Variants in ASCC3 observed in about 807,000 individuals in gnomAD.
The protein encoded by ASCC3 is activating signal cointegrator 1 complex subunit 3, also known as ASC-1 complex subunit P200.
ASCC3 carries 158 observed loss-of-function variants against 256.3 expected under a neutral mutation model. The ratio of observed to expected loss-of-function variants is 0.62; its 90% CI spans 0.54 to 0.70. The LOEUF is 0.70. Ranked by LOEUF, ASCC3 falls within the 30% of genes least tolerant of loss-of-function variation. The probability of loss-of-function intolerance (pLI) is 0.00; values close to 1 mark genes in which losing one functional copy is unlikely to be tolerated. For missense variants in ASCC3, 2,259 were observed against 2,626.0 expected (o/e 0.86, Z 3.05); for synonymous variants, 948 against 883.4 (o/e 1.07, Z -1.30).
chr6:100,798,992 A>G (rs1223399921), intron 7 of ASCC3, among the ~76,000 whole-genome samples, 154 bp from the exon 8 acceptor site: 2 of 103,600 alleles, frequency 1.9e-5, no homozygotes, highest in Non-Finnish European at 3.9e-5. Context: ...AAACTTAAAT[A>G]AAACAAAAAC....
intron 37 of ASCC3, among the ~76,000 whole-genome samples, chr6:100,520,213 T>C (rs1774233253): frequency 6.6e-6 from 1 of 152,166 alleles, no homozygotes; most frequent in African/African-American, 2.4e-5. Flanking sequence ...AAAGTGATCA[T>C]ATCATTCCTC....
chr6:100,516,125 T>C (rs1774013545), intron 39 of ASCC3, 55 bp downstream of exon 39: 1 of 1,610,704 alleles, frequency 6.2e-7, no homozygotes, highest in Non-Finnish European at 8.5e-7. Context: ...AGAAAACTCT[T>C]GGTACACCTT....
chr6:100,515,910 T>C (rs1456750687), intron 39 of ASCC3, among the ~76,000 whole-genome samples: 2 of 152,188 alleles, frequency 1.3e-5, no homozygotes, highest in Non-Finnish European at 2.9e-5. Flanking sequence ...TTAATTACTA[T>C]TACTGTCATT....
intron 2 of ASCC3, 82 bp downstream of exon 2, chr6:100,867,826 A>T: frequency 8.3e-7 from 1 of 1,210,984 alleles, no homozygotes; most frequent in Non-Finnish European, 1.2e-6. Flanking sequence ...AACCACATAG[A>T]ATGGAGAAAA....
At chr6:100,745,767 A>G (rs1164820434) in intron 10 of ASCC3, among the ~76,000 whole-genome samples, 1 of 152,158 alleles carries the variant, frequency 6.6e-6, no homozygotes, top group African/African-American at 2.4e-5. Flanking sequence ...TTTAACAGTC[A>G]TTTATGGCTA....
In ASCC3 at chr6:100,516,273, C is replaced by T; in HGVS notation, c.5982G>A (p.Glu1994=). Reference sequence around the variant, plus strand: ...AGGCATGGATCAGTTCAGGAAGGGACTCGATGGAGGTCCGACCCCTAGCAT... The same window carrying T: ...AGGCATGGATCAGTTCAGGAAGGGATTCGATGGAGGTCCGACCCCTAGCAT... ...GPHARGRTSI[E]SLPELIHACG... is the part of the protein sequence containing the mutation. Residue 1994 remains glutamate, a synonymous_variant, in exon 39 of 42, where the codon GAG becomes GAA. Transcript: ENST00000369162. 6.2e-7 allele frequency: 1 copy of T among 1,613,784 alleles called. No homozygotes were observed. Among genetic ancestry groups the T allele is most frequent in the Non-Finnish European group, 8.5e-7 (1 of 1,179,758 alleles).
intron 22 of ASCC3, among the ~76,000 whole-genome samples, chr6:100,645,972 T>C (rs1775360045): frequency 6.6e-6 from 1 of 152,142 alleles, no homozygotes; most frequent in South Asian, 2.1e-4. Flanking sequence ...AAATATAGAA[T>C]ACTTTTCTAC....
intron 24 of ASCC3, among the ~76,000 whole-genome samples, chr6:100,639,499 A>G (rs1428092360): frequency 2.0e-5 from 3 of 152,172 alleles, no homozygotes; most frequent in Non-Finnish European, 4.4e-5. Flanking sequence ...ATAATCCAGA[A>G]AGGTATCAGT....
intron 36 of ASCC3, among the ~76,000 whole-genome samples, chr6:100,544,271 A>G (rs1775600126): frequency 6.6e-6 from 1 of 152,116 alleles, no homozygotes; most frequent in African/African-American, 2.4e-5. Context: ...TAGAAAAAGA[A>G]CAGGAAATTA....
intron 11 of ASCC3, among the ~76,000 whole-genome samples, chr6:100,724,148 C>CAAAAAAAAAAAAAAAAAAAAAAAAAA (rs574759618): frequency 7.9e-6 from 1 of 126,360 alleles, no homozygotes; most frequent in African/African-American, 3.0e-5. Flanking sequence ...TACAAAAAAA[C>CAAAAAAAAAAAAAAAAAAAAAAAAAA]AAAAAAAAAA....
At chr6:100,739,604 C>T in intron 10 of ASCC3, among the ~76,000 whole-genome samples, 1 of 152,280 alleles carries the variant, frequency 6.6e-6, no homozygotes, top group East Asian at 1.9e-4. Context: ...ATTACCACCT[C>T]TATTTCAGAA....
chr6:100,639,898 T>C (rs527710740), intron 24 of ASCC3, among the ~76,000 whole-genome samples: 6 of 152,252 alleles, frequency 3.9e-5, no homozygotes, highest in African/African-American at 1.4e-4. Flanking sequence ...ATGGATCACC[T>C]GAGGTCAGGA....
intron 36 of ASCC3, among the ~76,000 whole-genome samples, chr6:100,544,495 T>C (rs1192908041): frequency 6.6e-6 from 1 of 151,930 alleles, no homozygotes; most frequent in Non-Finnish European, 1.5e-5. Flanking sequence ...AACTACAGGT[T>C]TTACAGATAC....
chr6:100,751,266 T>C (rs934006466), intron 10 of ASCC3, among the ~76,000 whole-genome samples: 1 of 152,118 alleles, frequency 6.6e-6, no homozygotes, highest in Non-Finnish European at 1.5e-5. Context: ...GCATTAATGC[T>C]AGTTATAGAA....
intron 5 of ASCC3, among the ~76,000 whole-genome samples, chr6:100,800,876 AAT>A (rs1769882545): frequency 6.6e-6 from 1 of 151,886 alleles, no homozygotes; most frequent in South Asian, 2.1e-4. Context: ...ATTTACTGTT[AAT>A]ATAGTAATGA....
intron 27 of ASCC3, 75 bp from the exon 28 acceptor site, chr6:100,628,062 G>T: frequency 7.1e-7 from 1 of 1,402,760 alleles, no homozygotes; most frequent in Non-Finnish European, 9.9e-7. Context: ...ACAAAAGGAA[G>T]AGTTTGTAGC....
chr6:100,734,026 G>A (rs1341851165), intron 10 of ASCC3, among the ~76,000 whole-genome samples: 3 of 152,276 alleles, frequency 2.0e-5, no homozygotes, highest in East Asian at 1.9e-4. Context: ...TTGTCAGAGC[G>A]AGTTGTCCAA....
Position 100,814,125 on chromosome 6 carries a change from G to T in ASCC3, c.802-8245C>A, listed in dbSNP as rs118186596. On this transcript the variant is annotated intron_variant, in intron 4 of 41. Coordinates refer to ENST00000369162, the MANE Select transcript of ASCC3 (RefSeq NM_006828.4). ...TTGAGGTATGTTCCTTCAATACCTAGTTTATAGAGGGTTTTTAACATTACA... is the reference window on the plus strand; with the variant it reads ...TTGAGGTATGTTCCTTCAATACCTATTTTATAGAGGGTTTTTAACATTACA... Among the ~76,000 whole-genome samples, 1,940 of 152,222 alleles carry T rather than the reference G, an allele frequency of 0.013. 93 individuals carry two copies. In the East Asian group the frequency reaches 0.15, roughly 11 times the overall value.
chr6:100,827,916 A>C (rs705588), intron 4 of ASCC3, among the ~76,000 whole-genome samples: 49,120 of 151,778 alleles, frequency 0.32, 9,104 homozygotes, highest in African/African-American at 0.5. Flanking sequence ...TGAACAACAA[A>C]AATTTTAAAC....
Sources: allele counts gnomAD v4.1 joint callset (sites outside exome capture counted in the v4.1 genomes callset), GRCh38; gene constraint gnomAD v4.1.1; transcripts MANE v1.5; gene names NCBI Gene and HGNC (gene_info 2026-07-23, HGNC 2026-07-21).